Variants in LONRF1 observed in about 807,000 individuals in gnomAD.
LONRF1 encodes LON peptidase N-terminal domain and RING finger protein 1.
In LONRF1, 37 loss-of-function variants were observed where a neutral mutation model predicts 85.8. The ratio of observed to expected loss-of-function variants is 0.43; its 90% CI spans 0.33 to 0.57. The LOEUF is 0.57. Among genes scored for constraint, LONRF1 ranks in the 20% least tolerant of loss-of-function variants. The pLI is 0.04. For synonymous variants in LONRF1, 517 were observed against 390.1 expected (o/e 1.33, Z -3.83); for missense variants, 1,036 against 978.0 (o/e 1.06, Z -0.79).
chr8:12,739,684 T>G (rs189045574), intron 3 of LONRF1, among the ~76,000 whole-genome samples: 49 of 152,298 alleles, frequency 3.2e-4, no homozygotes, highest in Non-Finnish European at 6.0e-4. Flanking sequence ...GCATTATTTG[T>G]TTTGCATCTA....
Position 12,737,896 on chromosome 8 carries a change from CT to C in LONRF1, c.1113+98del. 4.8e-6 allele frequency: 6 copies of C among 1,251,220 alleles called. No homozygotes were observed. The Middle Eastern group carries it at 9.6e-4, about 200-fold the overall frequency. The allele number at this position is 1,251,220 out of a possible 1,614,324, so 77.5% of individuals were successfully genotyped here. A position where few individuals can be genotyped will look rare whatever the true frequency, so the allele number is the denominator to read the frequency against. On this transcript the variant is annotated intron_variant, in intron 4 of 11. Coordinates refer to ENST00000398246, the MANE Select transcript of LONRF1 (RefSeq NM_152271.5). ...ATGATAACTAACCAGGTTAAAAGTACTTAAGTAGGTGCTAGTACTTGAAACT... is the reference window on the plus strand; with the variant it reads ...ATGATAACTAACCAGGTTAAAAGTACTAAGTAGGTGCTAGTACTTGAAACT...
chr8:12,743,460 T>C (rs151175928), intron 1 of LONRF1, among the ~76,000 whole-genome samples, 178 bp from the exon 2 acceptor site: 2 of 152,324 alleles, frequency 1.3e-5, no homozygotes, highest in East Asian at 3.9e-4. Flanking sequence ...TTGAATCTTA[T>C]CTAGAAGTTG....
At chr8:12,744,602 T>C (rs951460399) in intron 1 of LONRF1, among the ~76,000 whole-genome samples, 6 of 152,190 alleles carry the variant, frequency 3.9e-5, no homozygotes, top group African/African-American at 1.4e-4. Flanking sequence ...ATAATCTAGC[T>C]AGAAAATTTT....
At chr8:12,754,606 G>A (rs1563164733) in intron 1 of LONRF1, 94 bp downstream of exon 1, 3 of 1,220,014 alleles carry the variant, frequency 2.5e-6, no homozygotes, top group South Asian at 3.6e-5. Context: ...GGAAGCAGAG[G>A]AGACTCTCGG....
chr8:12,747,716 C>A (rs922244411), intron 1 of LONRF1, among the ~76,000 whole-genome samples: 1 of 151,202 alleles, frequency 6.6e-6, no homozygotes, highest in Non-Finnish European at 1.5e-5. Context: ...ACAGAGAGGG[C>A]TGTCTTATTT....
chr8:12,737,338 T>C, intron 4 of LONRF1, 198 bp from the exon 5 acceptor site: 1 of 720,300 alleles, frequency 1.4e-6, no homozygotes, highest in Non-Finnish European at 2.5e-6. Context: ...ATCCACAGGC[T>C]CTGCATCCGT....
chr8:12,740,871 T>A lies in LONRF1; in HGVS notation c.963+3A>T. 3 of 1,613,026 alleles carry A rather than the reference T, an allele frequency of 1.9e-6. No individual in the cohort carries two copies. Among genetic ancestry groups the A allele is most frequent in the Non-Finnish European group, 2.5e-6 (3 of 1,179,346 alleles). On this transcript the variant is annotated splice_donor_region_variant and intron_variant, in intron 3 of 11. Coordinates refer to ENST00000398246, the MANE Select transcript of LONRF1 (RefSeq NM_152271.5). ...GAACTGTAATTGTTGGTAAACTGAT[T>A]ACCTTTTGTACTTGCAGCTTTGCAG...
At chr8:12,723,558 C>T (rs1367209286) in intron 11 of LONRF1, among the ~76,000 whole-genome samples, 1 of 152,212 alleles carries the variant, frequency 6.6e-6, no homozygotes, top group Non-Finnish European at 1.5e-5. Context: ...CGACCTCAGG[C>T]TACTGACACT....
At chr8:12,745,340 A>G (rs952426889) in intron 1 of LONRF1, among the ~76,000 whole-genome samples, 1 of 145,704 alleles carries the variant, frequency 6.9e-6, no homozygotes, top group Non-Finnish European at 1.5e-5. Context: ...AAAAAAAAAA[A>G]AAAAACCAAC....
chr8:12,751,124 T>G (rs1194480383), intron 1 of LONRF1, among the ~76,000 whole-genome samples: 1 of 152,120 alleles, frequency 6.6e-6, no homozygotes, highest in East Asian at 1.9e-4. Context: ...GCTTCCAGCA[T>G]GCAGAGCTTT....
intron 1 of LONRF1, among the ~76,000 whole-genome samples, chr8:12,746,796 C>G (rs1387519076): frequency 6.6e-6 from 1 of 152,136 alleles, no homozygotes; most frequent in Non-Finnish European, 1.5e-5. Flanking sequence ...ATTCGAGATT[C>G]TAACTCAGGA....
At chr8:12,745,149 C>T (rs1403665496) in intron 1 of LONRF1, among the ~76,000 whole-genome samples, 2 of 152,092 alleles carry the variant, frequency 1.3e-5, no homozygotes, top group Non-Finnish European at 2.9e-5. Context: ...ATATTGAGAT[C>T]TCCCTAAAGG....
chr8:12,741,106 G>T, intron 2 of LONRF1, 110 bp from the exon 3 acceptor site: 1 of 1,165,992 alleles, frequency 8.6e-7, no homozygotes, highest in Non-Finnish European at 1.2e-6. Flanking sequence ...ATTCTGGGCC[G>T]GGTGCAGTAG....
intron 1 of LONRF1, among the ~76,000 whole-genome samples, chr8:12,747,265 G>A (rs1421895860): frequency 1.3e-5 from 2 of 152,200 alleles, no homozygotes; most frequent in East Asian, 3.8e-4. Flanking sequence ...ATGGGTTGAA[G>A]AGAGAGTTTT....
At chr8:12,744,831 G>A (rs1180646518) in intron 1 of LONRF1, among the ~76,000 whole-genome samples, 6 of 152,124 alleles carry the variant, frequency 3.9e-5, no homozygotes, top group African/African-American at 1.2e-4. Flanking sequence ...AGTACCTCCA[G>A]CGAGGAGTTC....
Position 12,755,310 on chromosome 8 carries a change from C to A in LONRF1, c.111G>T (p.Arg37=). 2 of 1,249,948 alleles carry A rather than the reference C, an allele frequency of 1.6e-6. No individual in the cohort carries two copies. Among genetic ancestry groups the A allele is most frequent in the South Asian group, 2.6e-5 (1 of 38,474 alleles). 77.4% of individuals were successfully genotyped at this position (1,249,948 alleles called of 1,614,324 possible). A position where few individuals can be genotyped will look rare whatever the true frequency, so the allele number is the denominator to read the frequency against. Residue 37 remains arginine (R), a synonymous_variant, in exon 1 of 12, where the codon CGG becomes CGT. Transcript: ENST00000398246. ...CCGACTCCGCGGCCGCGCGCTCCAG[C>A]CGATGGCCGCTGCCGCCGCCCACTT... ...FWEVGGGSGH[R]LERAAAESER...
chr8:12,754,307 T>A, intron 1 of LONRF1: 1 of 160,684 alleles, frequency 6.2e-6, no homozygotes, highest in Non-Finnish European at 1.3e-5. Flanking sequence ...CGAGAGCCAA[T>A]TCCCGGAAAG....
rs905272882 is a variant in LONRF1, at chr8:12,754,801, C to T, written c.620G>A (p.Gly207Asp). Reference protein sequence around the residue: ...LNHLAEKWFPGQRERARAAGR... With the variant: ...LNHLAEKWFPDQRERARAAGR... ...GGCCGCCCGGGCCCGCTCGCGCTGGCCCGGAAACCACTTCTCGGCCAGGTG... is the reference window on the plus strand; with the variant it reads ...GGCCGCCCGGGCCCGCTCGCGCTGGTCCGGAAACCACTTCTCGGCCAGGTG... The change falls in exon 1 of 12, where the codon GGC (glycine) becomes GAC (aspartate). Residue 207 changes from glycine (G) to aspartate (D), a missense_variant. Gly to Asp is a moderately conservative substitution (Grantham distance 94). Around this residue, in one of 3 missense-constraint regions of LONRF1, gnomAD observed 742 missense variants for 614.4 expected, o/e 1.21. Coordinates refer to ENST00000398246, the MANE Select transcript of LONRF1 (RefSeq NM_152271.5). 2 of 1,487,450 alleles carry T rather than the reference C, an allele frequency of 1.3e-6. No homozygotes were observed. The highest frequency in any genetic ancestry group is 8.9e-7 in the Non-Finnish European group (1 of 1,125,342). The allele number at this position is 1,487,450 out of a possible 1,614,324, so 92.1% of individuals were successfully genotyped here.
intron 10 of LONRF1, among the ~76,000 whole-genome samples, chr8:12,727,573 C>T (rs1277660784): frequency 1.3e-5 from 2 of 151,936 alleles, no homozygotes; most frequent in Non-Finnish European, 2.9e-5. Context: ...ATTCTATTGC[C>T]TACATGTTTG....
Sources: allele counts gnomAD v4.1 joint callset (sites outside exome capture counted in the v4.1 genomes callset), GRCh38; gene constraint gnomAD v4.1.1; regional missense constraint gnomAD v4.1.1; transcripts MANE v1.5; gene names NCBI Gene and HGNC (gene_info 2026-07-23, HGNC 2026-07-21).